Variants in PDE4D observed in about 807,000 individuals in gnomAD.
PDE4D encodes phosphodiesterase 4D, also known as 3',5'-cyclic-AMP phosphodiesterase 4D.
In PDE4D, 24 loss-of-function variants were observed where a neutral mutation model predicts 87.4. That is an observed-to-expected ratio of 0.27 (90% CI 0.20 to 0.39). PDE4D has a LOEUF of 0.39. Among genes scored for constraint, PDE4D ranks in the 10% least tolerant of loss-of-function variants. The pLI, the probability that PDE4D is intolerant of heterozygous loss-of-function variation, is 1.00. For synonymous variants in PDE4D, 384 were observed against 383.2 expected (o/e 1.00, Z -0.02); for missense variants, 714 against 1,041.0 (o/e 0.69, Z 4.32).
At chr5:59,666,428 T>A (rs895913449) in intron 1 of PDE4D, among the ~76,000 whole-genome samples, 5 of 152,188 alleles carry the variant, frequency 3.3e-5, no homozygotes, top group African/African-American at 1.2e-4. Context: ...ACAAAAAATC[T>A]CCAAAAGTTT....
chr5:59,336,067 G>T (rs1777602007), intron 1 of PDE4D, among the ~76,000 whole-genome samples: 1 of 152,326 alleles, frequency 6.6e-6, no homozygotes, highest in Non-Finnish European at 1.5e-5. Flanking sequence ...AAACGGTTAA[G>T]GCACTTCAAG....
At position 60,002,273 on chromosome 5, in the gene PDE4D, A is replaced by T. The variant is rs187588204; in HGVS notation, c.43-13556T>A. Among the ~76,000 whole-genome samples, 216 of 146,546 alleles carry T rather than the reference A, an allele frequency of 1.5e-3. 1 individual carries two copies. Among genetic ancestry groups the T allele is most frequent in the African/African-American group, 5.0e-3 (201 of 40,254 alleles). On this transcript the variant is annotated intron_variant, in intron 2 of 16. Coordinates refer to the PDE4D transcript ENST00000502484. ...AAGTAAGAAGATTGAATCCATAATT[A>T]AAAAAAAAAACTCCTAACAAAGAAA...
intron 1 of PDE4D, among the ~76,000 whole-genome samples, chr5:59,453,010 A>G (rs886818083): frequency 4.1e-4 from 61 of 148,784 alleles, no homozygotes; most frequent in Admixed American, 2.4e-3. Flanking sequence ...GAGCAAGTCT[A>G]TGGGTACCAT....
At chr5:60,100,401 C>A (rs540300145) in intron 2 of PDE4D, among the ~76,000 whole-genome samples, 3 of 151,632 alleles carry the variant, frequency 2.0e-5, no homozygotes, top group East Asian at 3.9e-4. Flanking sequence ...TTTTACCTAC[C>A]CTCAAAAATA....
At chr5:60,405,044 G>A (rs185294701) in intron 1 of PDE4D, among the ~76,000 whole-genome samples, 34 of 152,286 alleles carry the variant, frequency 2.2e-4, no homozygotes, top group Middle Eastern at 3.4e-3. Flanking sequence ...CAGACTACCC[G>A]CTTTCAACTA....
At chr5:59,468,962 A>T (rs1353686114) in intron 1 of PDE4D, among the ~76,000 whole-genome samples, 1 of 152,188 alleles carries the variant, frequency 6.6e-6, no homozygotes, top group East Asian at 1.9e-4. Context: ...GCCTCCTGCA[A>T]TATGAGACAT....
chr5:60,237,335 AG>A (rs1466475641), intron 1 of PDE4D, among the ~76,000 whole-genome samples: 1 of 152,054 alleles, frequency 6.6e-6, no homozygotes, highest in East Asian at 1.9e-4. Flanking sequence ...AGTTGTTTGT[AG>A]TAGCCAAAAA....
intron 2 of PDE4D, among the ~76,000 whole-genome samples, chr5:60,056,527 G>C (rs1196832757): frequency 6.6e-6 from 1 of 152,028 alleles, no homozygotes; most frequent in Non-Finnish European, 1.5e-5. Context: ...CATATATGTG[G>C]AGGGGAGGGA....
At chr5:59,332,879 C>T (rs888708584) in intron 1 of PDE4D, among the ~76,000 whole-genome samples, 5 of 152,156 alleles carry the variant, frequency 3.3e-5, no homozygotes, top group African/African-American at 4.8e-5. Context: ...ATCATCTGGA[C>T]GTGCAGTAGC....
intron 1 of PDE4D, among the ~76,000 whole-genome samples, chr5:59,820,792 A>C (rs1231739966): frequency 6.6e-6 from 1 of 152,228 alleles, no homozygotes; most frequent in Non-Finnish European, 1.5e-5. Context: ...TAATAAATGA[A>C]CATTAAAATA....
chr5:59,074,755 T>C (rs1765408657), intron 5 of PDE4D, among the ~76,000 whole-genome samples: 1 of 152,052 alleles, frequency 6.6e-6, no homozygotes, highest in Non-Finnish European at 1.5e-5. Context: ...TGAGACACTG[T>C]TTCAAAAAAT....
At chr5:60,400,347 CCT>C (rs1421646688) in intron 1 of PDE4D, among the ~76,000 whole-genome samples, 2 of 150,818 alleles carry the variant, frequency 1.3e-5, no homozygotes, top group Non-Finnish European at 3.0e-5. Context: ...ATGGTGAAAC[CCT>C]GTCTCTACTA....
chr5:59,380,600 G>A (rs1440879936), intron 1 of PDE4D, among the ~76,000 whole-genome samples: 2 of 152,110 alleles, frequency 1.3e-5, no homozygotes, highest in Non-Finnish European at 2.9e-5. Flanking sequence ...TCTCATAATT[G>A]TAGTGTTCTG....
intron 3 of PDE4D, among the ~76,000 whole-genome samples, chr5:59,944,970 C>T (rs1356472982): frequency 1.3e-5 from 2 of 152,112 alleles, no homozygotes; most frequent in Non-Finnish European, 2.9e-5. Flanking sequence ...GTATAAATAA[C>T]CACCCTGGAC....
chr5:59,082,544 T>C (rs1199795327), intron 5 of PDE4D, among the ~76,000 whole-genome samples: 1 of 152,152 alleles, frequency 6.6e-6, no homozygotes, highest in Non-Finnish European at 1.5e-5. Context: ...TTTTTCTATA[T>C]ACCAGTTAGA....
chr5:59,052,843 T>C (rs1458781399), intron 5 of PDE4D, among the ~76,000 whole-genome samples: 6 of 152,354 alleles, frequency 3.9e-5, no homozygotes, highest in African/African-American at 1.4e-4. Flanking sequence ...CTCTATCTTT[T>C]TTGGCGGTTC....
rs1782969840 is a variant in PDE4D, at chr5:59,365,866, A to C, written c.456-149898T>G. ...TAAAACTGACAAACGGTCCCTTTGA[A>C]TCCTTCTTATACACATAAAGAAAAA... is the stretch of plus-strand genomic sequence containing the variant. On this transcript the variant is annotated intron_variant, in intron 1 of 14. Coordinates refer to ENST00000340635, the MANE Select transcript of PDE4D (RefSeq NM_001104631.2). 2.0e-5 allele frequency among the ~76,000 whole-genome samples: 3 copies of C among 152,224 alleles called. No individual in the cohort carries two copies. In the South Asian group the frequency reaches 6.2e-4, roughly 32 times the overall value.
intron 5 of PDE4D, among the ~76,000 whole-genome samples, chr5:59,084,235 T>C (rs1401558018): frequency 1.3e-5 from 2 of 151,906 alleles, no homozygotes; most frequent in African/African-American, 4.8e-5. Context: ...AAATAATAGA[T>C]TATGTAATAC....
intron 1 of PDE4D, among the ~76,000 whole-genome samples, chr5:59,448,473 G>A (rs1436271119): frequency 1.3e-5 from 2 of 152,190 alleles, no homozygotes; most frequent in African/African-American, 2.4e-5. Flanking sequence ...ATTACTTCAA[G>A]TATCATTATA....
Sources: allele counts gnomAD v4.1 joint callset (sites outside exome capture counted in the v4.1 genomes callset), GRCh38; gene constraint gnomAD v4.1.1; transcripts MANE v1.5; gene names NCBI Gene and HGNC (gene_info 2026-07-23, HGNC 2026-07-21).